PRKX: variants seen among roughly 807,000 people sequenced by gnomAD.
PRKX encodes cAMP-dependent protein kinase catalytic subunit PRKX.
In PRKX, 12 loss-of-function variants were observed where a neutral mutation model predicts 22.0. That is an observed-to-expected ratio of 0.54 (90% CI 0.35 to 0.88). The LOEUF (loss-of-function observed/expected upper bound fraction) is 0.88, where lower values mean the gene tolerates loss of function less well. PRKX is among the 40% of genes least tolerant of loss of function. PRKX has a pLI of 0.01. For missense variants in PRKX, 217 were observed against 308.0 expected (o/e 0.70, Z 2.21); for synonymous variants, 134 against 137.7 (o/e 0.97, Z 0.19).
intron 1 of PRKX, among the ~76,000 whole-genome samples, chrX:3,691,289 G>C (rs1928319336): frequency 9.0e-6 from 1 of 111,311 alleles, no homozygotes; most frequent in Non-Finnish European, 1.9e-5. Context: ...TGTCAACCTT[G>C]TGACTTTACA....
intron 1 of PRKX, among the ~76,000 whole-genome samples, chrX:3,688,726 G>A (rs1235875794): frequency 9.1e-6 from 1 of 109,938 alleles, no homozygotes; most frequent in Non-Finnish European, 1.9e-5. Context: ...TTAATGAGCC[G>A]GGTGTGGTGG....
At position 3,636,597 on chromosome X, in the gene PRKX, C is replaced by T. The variant is rs570961150; in HGVS notation, c.719+5255G>A. ...AGCCCTGGCTGGGTGTGGTGGCTCA[C>T]GCCTGTAACCCCAGCACTTTGGGAG... is the stretch of plus-strand genomic sequence containing the variant. On this transcript the variant is annotated intron_variant, in intron 4 of 8. Transcript: ENST00000262848. Among the ~76,000 whole-genome samples, 177 of 112,812 alleles carry T rather than the reference C, an allele frequency of 1.6e-3. 1 individual carries two copies. The highest frequency in any genetic ancestry group is 5.4e-3 in the African/African-American group (167 of 31,100).
At chrX:3,625,717 G>A (rs1459037833) in intron 5 of PRKX, among the ~76,000 whole-genome samples, 1 of 109,772 alleles carries the variant, frequency 9.1e-6, no homozygotes, top group Non-Finnish European at 1.9e-5. Context: ...GACTACAGGC[G>A]CCCACCACCA....
chrX:3,681,946 G>A (rs746818876), intron 1 of PRKX, among the ~76,000 whole-genome samples: 79 of 110,888 alleles, frequency 7.1e-4, no homozygotes, highest in African/African-American at 2.5e-3. Flanking sequence ...AGAAAGAGGA[G>A]AAACACGGAT....
At chrX:3,668,833 G>A (rs771711547) in intron 2 of PRKX, among the ~76,000 whole-genome samples, 6 of 112,611 alleles carry the variant, frequency 5.3e-5, no homozygotes, top group Admixed American at 4.7e-4. Flanking sequence ...GGCAGAAAAG[G>A]GAGAAAGGGA....
chrX:3,690,880 G>A (rs768385028), intron 1 of PRKX, among the ~76,000 whole-genome samples: 1 of 112,749 alleles, frequency 8.9e-6, no homozygotes, highest in East Asian at 2.8e-4. Flanking sequence ...CACAGTATGT[G>A]CAGCTTTCAA....
intron 2 of PRKX, among the ~76,000 whole-genome samples, chrX:3,659,242 A>T (rs778379608): frequency 8.7e-4 from 92 of 105,371 alleles, no homozygotes; most frequent in African/African-American, 3.0e-3. Flanking sequence ...TGACAGAGCA[A>T]GACCTCATTT....
intron 1 of PRKX, among the ~76,000 whole-genome samples, chrX:3,690,770 G>C: frequency 8.9e-6 from 1 of 112,285 alleles, no homozygotes; most frequent in African/African-American, 3.2e-5. Flanking sequence ...AATCACAGAA[G>C]TGAAAAGAAA....
intron 1 of PRKX, among the ~76,000 whole-genome samples, chrX:3,698,422 A>T (rs1200162803): frequency 9.1e-6 from 1 of 110,376 alleles, no homozygotes; most frequent in Non-Finnish European, 1.9e-5. Flanking sequence ...GAAAGGTGAG[A>T]GTGATCCTCC....
chrX:3,645,807 A>G (rs1361123063), intron 3 of PRKX, among the ~76,000 whole-genome samples: 1 of 111,661 alleles, frequency 9.0e-6, no homozygotes, highest in Admixed American at 9.5e-5. Flanking sequence ...GGTGGCTCAC[A>G]CCTCTAGTCT....
intron 1 of PRKX, among the ~76,000 whole-genome samples, chrX:3,690,770 G>T (rs1569061538): frequency 8.9e-6 from 1 of 112,285 alleles, no homozygotes; most frequent in Non-Finnish European, 1.9e-5. Context: ...AATCACAGAA[G>T]TGAAAAGAAA....
chrX:3,663,407 A>C (rs1603474281), intron 2 of PRKX, among the ~76,000 whole-genome samples: 1 of 98,955 alleles, frequency 1.0e-5, no homozygotes, highest in East Asian at 3.3e-4. Flanking sequence ...CCTGAGCAAC[A>C]CAGTGAGATC....
intron 4 of PRKX, among the ~76,000 whole-genome samples, chrX:3,640,468 T>C (rs1384254303): frequency 2.7e-5 from 3 of 112,121 alleles, no homozygotes; most frequent in Non-Finnish European, 5.6e-5. Context: ...TTTCCAAGTG[T>C]TGCGTGCTTC....
chrX:3,709,309 G>A (rs2146616573), intron 1 of PRKX, among the ~76,000 whole-genome samples: 1 of 111,155 alleles, frequency 9.0e-6, no homozygotes, highest in Admixed American at 9.6e-5. Flanking sequence ...GAAGTTGGCT[G>A]AAGGGTCCAT....
In PRKX at chrX:3,693,939, CAAAAAAAAA is replaced by C. The variant is rs1230845031; in HGVS notation, c.166+19140_166+19148del. On this transcript the variant is annotated intron_variant, in intron 1 of 8. Transcript: ENST00000262848. ...TGGACAACAGAGGGAGACTCCGTCT[CAAAAAAAAA>C]AAAAAAAAAAAGAAAAGAAAATAGG... Among the ~76,000 whole-genome samples the C allele has an allele frequency of 6.0e-4, 20 of 33,085 alleles. 1 individual carries two copies. In the Admixed American group the frequency reaches 7.4e-3, roughly 12 times the overall value. 28.7% of individuals were successfully genotyped at this position (33,085 alleles called of 115,157 possible).
intron 8 of PRKX, among the ~76,000 whole-genome samples, chrX:3,609,415 C>T (rs1451868320): frequency 1.8e-5 from 2 of 111,662 alleles, no homozygotes; most frequent in Non-Finnish European, 3.8e-5. Context: ...TGCGCCTCGG[C>T]CTCCCAAGGT....
chrX:3,706,705 T>G (rs1361817622), intron 1 of PRKX, among the ~76,000 whole-genome samples: 2 of 112,426 alleles, frequency 1.8e-5, no homozygotes, highest in Non-Finnish European at 3.8e-5. Context: ...CCATGAACTG[T>G]AGATGACTCT....
At chrX:3,689,796 T>G (rs1053608427) in intron 1 of PRKX, among the ~76,000 whole-genome samples, 2 of 111,123 alleles carry the variant, frequency 1.8e-5, no homozygotes, top group African/African-American at 3.3e-5. Flanking sequence ...GCTAACACGG[T>G]GAAACCCTGT....
rs1429328122 is a variant in PRKX at position 3,688,274 on chromosome X, C to T, written c.167-13508G>A. On this transcript the variant is annotated intron_variant, in intron 1 of 8. Transcript: ENST00000262848. ...CAGCCCAGCCAACATGGTGAAACCC[C>T]ATCTCTACTAAAAATACAACGATTA... Among the ~76,000 whole-genome samples, 3 of 103,915 alleles carry T rather than the reference C, an allele frequency of 2.9e-5. 1 individual carries two copies. Among genetic ancestry groups the T allele is most frequent in the Non-Finnish European group, 6.0e-5 (3 of 49,741 alleles). The allele number at this position is 103,915 out of a possible 115,157, so 90.2% of individuals were successfully genotyped here. A position where few individuals can be genotyped will look rare whatever the true frequency, so the allele number is the denominator to read the frequency against.
Sources: gnomAD v4.1 joint callset for allele counts (sites outside exome capture counted in the v4.1 genomes callset) on GRCh38, gnomAD v4.1.1 for gene constraint, MANE v1.5 for transcripts, NCBI Gene and HGNC (gene_info 2026-07-23, HGNC 2026-07-21) for gene names.